Variants in SETBP1 observed in about 807,000 individuals in gnomAD.
The protein encoded by SETBP1 is SET-binding protein.
A neutral mutation model predicts 101.0 loss-of-function variants in SETBP1; 9 were observed. The observed-to-expected ratio is 0.09, with a 90% confidence interval of 0.05 to 0.16. The LOEUF (loss-of-function observed/expected upper bound fraction) is 0.16. Among genes scored for constraint, SETBP1 ranks in the 10% least tolerant of loss-of-function variants. The pLI is 1.00. For synonymous variants in SETBP1, 818 were observed against 788.5 expected (o/e 1.04, Z -0.63); for missense variants, 1,858 against 2,033.8 (o/e 0.91, Z 1.66).
chr18:44,702,564 CT>C (rs1396086132), intron 2 of SETBP1, among the ~76,000 whole-genome samples: 1 of 152,122 alleles, frequency 6.6e-6, no homozygotes, highest in Non-Finnish European at 1.5e-5. Context: ...CCATAACAAA[CT>C]TTTTAGTATT....
chr18:44,834,241 G>A (rs1452083657), intron 2 of SETBP1, among the ~76,000 whole-genome samples: 1 of 152,146 alleles, frequency 6.6e-6, no homozygotes, highest in Non-Finnish European at 1.5e-5. Flanking sequence ...AAGAGGGCTG[G>A]GGCCTCATTT....
chr18:44,758,977 C>T lies in SETBP1; in HGVS notation c.486+57145C>T, dbSNP rs16978157. 5.5e-3 allele frequency among the ~76,000 whole-genome samples: 832 copies of T among 152,304 alleles called. 6 individuals carry two copies. The highest frequency in any genetic ancestry group is 0.019 in the African/African-American group (787 of 41,562). On this transcript the variant is annotated intron_variant, in intron 2 of 5. Coordinates refer to ENST00000649279, the MANE Select transcript of SETBP1 (RefSeq NM_015559.3). ...ATGCTGTATGTGTGTGATGCTGGCC[C>T]GTGGTCTACACCCAAACTCTCTTCA...
At chr18:44,968,366 C>T (rs1284695870) in intron 4 of SETBP1, among the ~76,000 whole-genome samples, 1 of 152,058 alleles carries the variant, frequency 6.6e-6, no homozygotes, top group African/African-American at 2.4e-5. Context: ...GAAGAAAAAG[C>T]AAATATAATA....
At chr18:45,038,108 AG>A (rs780833327) in intron 4 of SETBP1, among the ~76,000 whole-genome samples, 58 of 152,272 alleles carry the variant, frequency 3.8e-4, no homozygotes, top group Non-Finnish European at 7.4e-4. Context: ...AAGTCTTACT[AG>A]GGTGGGAGCC....
chr18:44,811,199 A>G (rs2071855259), intron 2 of SETBP1, among the ~76,000 whole-genome samples: 1 of 152,218 alleles, frequency 6.6e-6, no homozygotes, highest in South Asian at 2.1e-4. Flanking sequence ...AACATACTTT[A>G]TTTACTCATG....
At chr18:45,053,547 T>C (rs1309415752) in intron 5 of SETBP1, among the ~76,000 whole-genome samples, 1 of 152,208 alleles carries the variant, frequency 6.6e-6, no homozygotes, top group Admixed American at 6.5e-5. Flanking sequence ...CTGGTCAATA[T>C]GTTTTCCATC....
In SETBP1 at chr18:44,952,059, T is replaced by C; in HGVS notation, c.2719T>C (p.Ser907Pro). ...CCTGGACAACCCGGAGGCCATTCCGTCCGACACCAGCACAAAGAACCGGCA... is the reference window on the plus strand; with the variant it reads ...CCTGGACAACCCGGAGGCCATTCCGCCCGACACCAGCACAAAGAACCGGCA... ...CSLDNPEAIP[S>P]DTSTKNRHGH... The change falls in exon 4 of 6, where the codon TCC becomes CCC. Residue 907 changes from serine to proline, a missense_variant. Ser to Pro is a moderately conservative substitution (Grantham distance 74). This residue lies in a region of SETBP1 where 255 missense variants were observed against 300.1 expected (regional missense o/e 0.85). Transcript: ENST00000649279. 2 of 1,613,992 alleles carry C rather than the reference T, an allele frequency of 1.2e-6. No individual in the cohort carries two copies. The highest frequency in any genetic ancestry group is 1.7e-6 in the Non-Finnish European group (2 of 1,180,018).
intron 2 of SETBP1, among the ~76,000 whole-genome samples, chr18:44,704,507 T>C (rs2069178156): frequency 6.6e-6 from 1 of 152,232 alleles, no homozygotes; most frequent in Non-Finnish European, 1.5e-5. Flanking sequence ...CTTACATTTA[T>C]TTATGCCTAG....
chr18:44,759,898 G>C (rs748134804), intron 2 of SETBP1, among the ~76,000 whole-genome samples: 10 of 152,184 alleles, frequency 6.6e-5, no homozygotes, highest in Non-Finnish European at 8.8e-5. Flanking sequence ...ATCCTATCCT[G>C]TACCAATTAA....
intron 4 of SETBP1, among the ~76,000 whole-genome samples, chr18:44,981,379 T>C (rs2145236111): frequency 6.6e-6 from 1 of 152,262 alleles, no homozygotes; most frequent in East Asian, 1.9e-4. Context: ...AAAATCTATA[T>C]CCAGTCTTAC....
intron 2 of SETBP1, among the ~76,000 whole-genome samples, chr18:44,860,755 A>T (rs986769063): frequency 1.3e-5 from 2 of 151,932 alleles, no homozygotes; most frequent in Non-Finnish European, 2.9e-5. Flanking sequence ...CTCAAAAAAA[A>T]AAAAAAGTAT....
At chr18:44,978,510 T>C (rs2072040804) in intron 4 of SETBP1, among the ~76,000 whole-genome samples, 1 of 152,222 alleles carries the variant, frequency 6.6e-6, no homozygotes, top group Non-Finnish European at 1.5e-5. Flanking sequence ...TATACTCACC[T>C]GCTTTATCTG....
chr18:44,838,666 A>C (rs1400255541), intron 2 of SETBP1, among the ~76,000 whole-genome samples: 1 of 152,208 alleles, frequency 6.6e-6, no homozygotes, highest in Non-Finnish European at 1.5e-5. Context: ...CTTCAGCCCC[A>C]GTTCATCCCT....
chr18:44,792,681 C>G (rs1234984245), intron 2 of SETBP1, among the ~76,000 whole-genome samples: 1 of 152,224 alleles, frequency 6.6e-6, no homozygotes, highest in Non-Finnish European at 1.5e-5. Context: ...ATGCACACCA[C>G]ACAGACAAAG....
intron 2 of SETBP1, among the ~76,000 whole-genome samples, chr18:44,813,201 T>C (rs554457546): frequency 6.6e-6 from 1 of 152,358 alleles, no homozygotes; most frequent in Non-Finnish European, 1.5e-5. Context: ...CTCCATTCTG[T>C]GGCCATGTCC....
chr18:44,797,318 A>G (rs1229013861), intron 2 of SETBP1, among the ~76,000 whole-genome samples: 1 of 152,158 alleles, frequency 6.6e-6, no homozygotes, highest in Non-Finnish European at 1.5e-5. Context: ...CCTAAGCTTC[A>G]ATTTATACAT....
At chr18:44,961,158 G>A (rs556282095) in intron 4 of SETBP1, among the ~76,000 whole-genome samples, 321 of 152,280 alleles carry the variant, frequency 2.1e-3, no homozygotes, top group African/African-American at 7.4e-3. Flanking sequence ...AGATGACCTG[G>A]CAACCCACCT....
intron 2 of SETBP1, among the ~76,000 whole-genome samples, chr18:44,840,378 A>T (rs965641290): frequency 6.6e-6 from 1 of 152,198 alleles, no homozygotes; most frequent in African/African-American, 2.4e-5. Context: ...GCTCATGCTT[A>T]GTGGCATAGC....
intron 2 of SETBP1, among the ~76,000 whole-genome samples, chr18:44,745,252 G>GTACACCTAGGTATGTATA (rs1389406354): frequency 6.6e-6 from 1 of 152,138 alleles, no homozygotes; most frequent in Non-Finnish European, 1.5e-5. Context: ...ACTTGTGTAT[G>GTACACCTAGGTATGTATA]TACACCTAGG....
Sources: gnomAD v4.1 joint callset for allele counts (sites outside exome capture counted in the v4.1 genomes callset) on GRCh38, gnomAD v4.1.1 for gene constraint, gnomAD v4.1.1 regional missense constraint, MANE v1.5 for transcripts, NCBI Gene and HGNC (gene_info 2026-07-23, HGNC 2026-07-21) for gene names.